Variants in TCF4 observed in about 807,000 individuals in gnomAD.
TCF4 encodes the protein transcription factor 4, also known as SL3-3 enhancer factor 2.
In TCF4, 3 loss-of-function variants were observed where a neutral mutation model predicts 82.1. The observed-to-expected ratio is 0.04, with a 90% confidence interval of 0.02 to 0.09. TCF4 has a LOEUF of 0.09. Ranked by LOEUF, TCF4 falls within the 10% of genes least tolerant of loss-of-function variation. The probability of loss-of-function intolerance (pLI) is 1.00; values close to 1 mark genes in which losing one functional copy is unlikely to be tolerated. For missense variants in TCF4, 518 were observed against 852.7 expected, an observed-to-expected ratio of 0.61 and a Z score of 4.89; for synonymous variants, 276 against 309.6, an observed-to-expected ratio of 0.89 and a Z score of 1.14.
intron 3 of TCF4, among the ~76,000 whole-genome samples, chr18:55,570,102 A>G (rs2097448394): frequency 6.6e-6 from 1 of 152,220 alleles, no homozygotes; most frequent in African/African-American, 2.4e-5. Flanking sequence ...AAGACCCCAC[A>G]AATACAGGAA....
intron 3 of TCF4, among the ~76,000 whole-genome samples, chr18:55,503,846 G>A (rs915937889): frequency 3.3e-5 from 5 of 152,150 alleles, no homozygotes; most frequent in African/African-American, 9.7e-5. Context: ...AGGCCGAGGT[G>A]GACGGATCAC....
At chr18:55,576,341 T>A (rs556147572) in intron 3 of TCF4, among the ~76,000 whole-genome samples, 2 of 152,254 alleles carry the variant, frequency 1.3e-5, no homozygotes, top group South Asian at 4.1e-4. Context: ...TCAATTTCCA[T>A]CCCGACACTA....
intron 3 of TCF4, among the ~76,000 whole-genome samples, chr18:55,483,893 C>A (rs2096478727): frequency 6.6e-6 from 1 of 152,172 alleles, no homozygotes. Flanking sequence ...TTATAATAAC[C>A]AGAACCACCA....
intron 5 of TCF4, among the ~76,000 whole-genome samples, chr18:55,405,991 G>C (rs1407996953): frequency 6.6e-6 from 1 of 152,114 alleles, no homozygotes; most frequent in Non-Finnish European, 1.5e-5. Context: ...GGGAGGATAA[G>C]AGACCAGCAT....
chr18:55,399,925 C>CAAA (rs1556033553), intron 6 of TCF4, among the ~76,000 whole-genome samples: 1 of 126,684 alleles, frequency 7.9e-6, no homozygotes, highest in African/African-American at 3.1e-5. Flanking sequence ...CACACACACA[C>CAAA]AATACTAAAA....
intron 3 of TCF4, among the ~76,000 whole-genome samples, chr18:55,540,784 G>C (rs2097158810): frequency 6.6e-6 from 1 of 151,900 alleles, no homozygotes; most frequent in African/African-American, 2.4e-5. Flanking sequence ...ATAAACTATT[G>C]TTTTTTGATA....
intron 2 of TCF4, among the ~76,000 whole-genome samples, chr18:55,620,492 G>A (rs2097716647): frequency 6.6e-6 from 1 of 152,064 alleles, no homozygotes; most frequent in Non-Finnish European, 1.5e-5. Flanking sequence ...GTTCATTCCT[G>A]GACCATAGGT....
chr18:55,628,839 A>G (rs2097729025), intron 2 of TCF4, among the ~76,000 whole-genome samples: 1 of 152,248 alleles, frequency 6.6e-6, no homozygotes, highest in Non-Finnish European at 1.5e-5. Context: ...TTTGAGGCTG[A>G]CAAACGGACA....
intron 3 of TCF4, among the ~76,000 whole-genome samples, chr18:55,504,183 T>C (rs535654239): frequency 2.0e-4 from 30 of 152,204 alleles, no homozygotes; most frequent in Non-Finnish European, 4.0e-4. Flanking sequence ...AAGGACATTG[T>C]CAACAATATA....
intron 3 of TCF4, among the ~76,000 whole-genome samples, chr18:55,499,921 G>A (rs896590488): frequency 1.3e-5 from 2 of 152,220 alleles, no homozygotes; most frequent in African/African-American, 4.8e-5. Context: ...AGTGGCTCAC[G>A]CCTGTAATCC....
At chr18:55,306,696 T>C (rs1396368094) in intron 8 of TCF4, among the ~76,000 whole-genome samples, 1 of 152,244 alleles carries the variant, frequency 6.6e-6, no homozygotes, top group African/African-American at 2.4e-5. Flanking sequence ...GTTACTTTGC[T>C]AGTGATGTCA....
chr18:55,422,312 A>G, intron 5 of TCF4: 1 of 985,366 alleles, frequency 1.0e-6, no homozygotes. Flanking sequence ...GCCAGAGGAC[A>G]GAACACAACA....
intron 3 of TCF4, among the ~76,000 whole-genome samples, chr18:55,535,442 T>C (rs2097106515): frequency 6.6e-6 from 1 of 152,242 alleles, no homozygotes; most frequent in African/African-American, 2.4e-5. Context: ...GGAAAATGTG[T>C]AAGCCTAGAT....
intron 5 of TCF4, among the ~76,000 whole-genome samples, chr18:55,427,155 A>G (rs374686409): frequency 6.6e-6 from 1 of 152,132 alleles, no homozygotes; most frequent in Non-Finnish European, 1.5e-5. Context: ...ATTATTTCCT[A>G]TATCTCTTCT....
chr18:55,423,872 T>C (rs2094877231), intron 5 of TCF4, among the ~76,000 whole-genome samples: 1 of 151,796 alleles, frequency 6.6e-6, no homozygotes, highest in African/African-American at 2.4e-5. Flanking sequence ...TTGGCTCCTG[T>C]AAAGAGAGGA....
chr18:55,518,823 T>C (rs1251710380), intron 3 of TCF4, among the ~76,000 whole-genome samples: 1 of 152,182 alleles, frequency 6.6e-6, no homozygotes, highest in African/African-American at 2.4e-5. Context: ...GACGGGGTCC[T>C]TGTATTTTTT....
rs1172853901 is a variant in TCF4 at position 55,519,440 on chromosome 18, AG to A, written c.146-55304del. Among the ~76,000 whole-genome samples the A allele has an allele frequency of 7.3e-5, 11 of 151,506 alleles. 1 individual carries two copies. The South Asian group carries it at 1.5e-3, about 20-fold the overall frequency. On this transcript the variant is annotated intron_variant, in intron 3 of 19. Coordinates refer to ENST00000354452, the MANE Select transcript of TCF4 (RefSeq NM_001083962.2). ...CAGAGTGAGACCCCGTCTCAAAAAA[AG>A]AAAAAAAAAAAAAAAGATGTGTTCT...
chr18:55,312,881 G>A (rs1410523067), intron 8 of TCF4, among the ~76,000 whole-genome samples: 1 of 152,026 alleles, frequency 6.6e-6, no homozygotes, highest in Non-Finnish European at 1.5e-5. Flanking sequence ...TTTCTCAGGT[G>A]TTAATAGAAA....
intron 5 of TCF4, among the ~76,000 whole-genome samples, chr18:55,446,847 G>A (rs1180343671): frequency 3.9e-5 from 6 of 151,974 alleles, no homozygotes; most frequent in Admixed American, 6.6e-5. Flanking sequence ...TTAGCTGGGC[G>A]TGGTGGTAGA....
Sources: allele counts gnomAD v4.1 joint callset (sites outside exome capture counted in the v4.1 genomes callset), GRCh38; gene constraint gnomAD v4.1.1; transcripts MANE v1.5; gene names NCBI Gene and HGNC (gene_info 2026-07-23, HGNC 2026-07-21).